The following ASTN2 variants were observed in gnomAD, a reference collection of about 807,000 sequenced individuals.
ASTN2 encodes astrotactin 2.
ASTN2 carries 54 observed loss-of-function variants against 139.8 expected under a neutral mutation model. That is an observed-to-expected ratio of 0.39 (90% CI 0.31 to 0.48). ASTN2 has a LOEUF of 0.48. Among genes scored for constraint, ASTN2 ranks in the 20% least tolerant of loss-of-function variants. ASTN2 has a pLI of 0.95. For missense variants in ASTN2, 1,565 were observed against 1,725.1 expected, an observed-to-expected ratio of 0.91 and a Z score of 1.64; for synonymous variants, 756 against 719.5, an observed-to-expected ratio of 1.05 and a Z score of -0.81.
At chr9:117,400,478 AAG>A (rs1261085118) in intron 1 of ASTN2, among the ~76,000 whole-genome samples, 3 of 152,156 alleles carry the variant, frequency 2.0e-5, no homozygotes, top group Admixed American at 6.5e-5. Flanking sequence ...AGAGAGAGAA[AAG>A]AGGGGAGGGA....
intron 19 of ASTN2, among the ~76,000 whole-genome samples, chr9:116,595,853 A>G (rs1028770529): frequency 5.3e-5 from 8 of 152,220 alleles, no homozygotes; most frequent in African/African-American, 1.9e-4. Context: ...CGAAGCCACT[A>G]TGAAAAACAG....
At chr9:117,324,189 A>G (rs1360992002) in intron 1 of ASTN2, among the ~76,000 whole-genome samples, 1 of 152,178 alleles carries the variant, frequency 6.6e-6, no homozygotes. Context: ...CTATAGGATG[A>G]GTAGAATTTT....
chr9:117,393,429 C>T lies in ASTN2; in HGVS notation c.442+21068G>A, dbSNP rs561064398. ...AGAGACATTAAAAGTAAATAGAAAG[C>T]GAGAGAAAAAAACACTAAAGACAGA... On this transcript the variant is annotated intron_variant, in intron 1 of 22. Transcript: ENST00000313400. Among the ~76,000 whole-genome samples the T allele has an allele frequency of 1.7e-4, 25 of 150,492 alleles. No individual in the cohort carries two copies. The South Asian group carries it at 5.1e-3, about 31-fold the overall frequency.
At chr9:117,297,352 G>C (rs775135906) in intron 1 of ASTN2, among the ~76,000 whole-genome samples, 7 of 152,228 alleles carry the variant, frequency 4.6e-5, no homozygotes, top group Admixed American at 1.3e-4. Context: ...AGCTATTCCA[G>C]CATTCATGGG....
chr9:116,526,347 C>G (rs1275209930), intron 19 of ASTN2, among the ~76,000 whole-genome samples: 1 of 152,134 alleles, frequency 6.6e-6, no homozygotes, highest in Non-Finnish European at 1.5e-5. Flanking sequence ...CACGGTGGCT[C>G]ATGCCTGTAA....
At chr9:116,775,634 AAGGAAAAAGGAC>A (rs1830066206) in intron 13 of ASTN2, among the ~76,000 whole-genome samples, 1 of 122,338 alleles carries the variant, frequency 8.2e-6, no homozygotes, top group Non-Finnish European at 1.7e-5. Flanking sequence ...GGAAGGAAGG[AAGGAAAAAGGAC>A]AGGAAGGGAA....
chr9:116,966,705 T>TAAA (rs199969584), intron 10 of ASTN2, among the ~76,000 whole-genome samples: 195 of 142,616 alleles, frequency 1.4e-3, no homozygotes, highest in African/African-American at 4.0e-3. Context: ...TCATTTTCTT[T>TAAA]AAAAAAAAAA....
At chr9:117,079,734 G>A (rs1185808781) in intron 5 of ASTN2, among the ~76,000 whole-genome samples, 2 of 45,450 alleles carry the variant, frequency 4.4e-5, no homozygotes, top group African/African-American at 2.1e-4. Context: ...AATAATAAAA[G>A]GGATGAACAC....
chr9:116,914,693 C>T (rs1206268134), intron 10 of ASTN2, among the ~76,000 whole-genome samples: 1 of 151,746 alleles, frequency 6.6e-6, no homozygotes, highest in Non-Finnish European at 1.5e-5. Flanking sequence ...TTTATGCCAC[C>T]CAACCCTGGG....
At chr9:116,762,362 A>C (rs2132169992) in intron 13 of ASTN2, among the ~76,000 whole-genome samples, 1 of 152,256 alleles carries the variant, frequency 6.6e-6, no homozygotes, top group South Asian at 2.1e-4. Flanking sequence ...CTCTTTGTCT[A>C]TCTTGCAGGG....
chr9:116,698,619 C>T lies in ASTN2; in HGVS notation c.2806+27152G>A. The T allele has an allele frequency of 6.2e-7, 1 of 1,614,140 alleles. No individual in the cohort carries two copies. Among genetic ancestry groups the T allele is most frequent in the Non-Finnish European group, 8.5e-7 (1 of 1,180,026 alleles). On this transcript the variant is annotated intron_variant, in intron 16 of 22. Coordinates refer to ENST00000313400, the MANE Select transcript of ASTN2 (RefSeq NM_001365068.1). The surrounding 1 kb of genome is among the most constrained non-coding windows in gnomAD (Gnocchi z 4.4). ...TCATGTTGGCCCCCTCCAAATTGGACAAGCTGTTAAGAAGCCCCGGACAGT... is the reference window on the plus strand; with the variant it reads ...TCATGTTGGCCCCCTCCAAATTGGATAAGCTGTTAAGAAGCCCCGGACAGT...
intron 7 of ASTN2, among the ~76,000 whole-genome samples, chr9:117,003,085 C>A (rs371039344): frequency 9.2e-5 from 14 of 152,330 alleles, no homozygotes; most frequent in African/African-American, 3.1e-4. Flanking sequence ...CTTCAGGAAA[C>A]TGCACATGGG....
At chr9:116,827,855 A>G (rs1203393230) in intron 11 of ASTN2, among the ~76,000 whole-genome samples, 1 of 152,236 alleles carries the variant, frequency 6.6e-6, no homozygotes, top group Non-Finnish European at 1.5e-5. Context: ...TCCCAAAAAA[A>G]TGAGGAAGAG....
At chr9:116,604,357 G>A (rs1855075847) in intron 19 of ASTN2, among the ~76,000 whole-genome samples, 1 of 152,140 alleles carries the variant, frequency 6.6e-6, no homozygotes, top group Non-Finnish European at 1.5e-5. Flanking sequence ...AAAGCAGCTG[G>A]AGTGACAGAA....
chr9:117,181,206 C>A (rs1588048289), intron 3 of ASTN2: 2 of 625,792 alleles, frequency 3.2e-6, no homozygotes, highest in East Asian at 5.3e-5. Context: ...TGCAGATGAT[C>A]TGGAGTATTT....
intron 5 of ASTN2, among the ~76,000 whole-genome samples, chr9:117,074,527 T>A (rs1828225522): frequency 6.6e-6 from 1 of 151,996 alleles, no homozygotes; most frequent in African/African-American, 2.4e-5. Context: ...GGTGTGTTTG[T>A]GGAAGTGTGA....
At chr9:116,713,912 G>A (rs1192473431) in intron 16 of ASTN2, among the ~76,000 whole-genome samples, 1 of 152,120 alleles carries the variant, frequency 6.6e-6, no homozygotes, top group Non-Finnish European at 1.5e-5. Context: ...GCCCTAGGAT[G>A]GAATCCTGGC....
intron 13 of ASTN2, among the ~76,000 whole-genome samples, chr9:116,746,165 C>A (rs1168838176): frequency 2.0e-5 from 3 of 150,586 alleles, no homozygotes; most frequent in Non-Finnish European, 2.9e-5. Flanking sequence ...CAGCTCACTG[C>A]AACTTCCGAC....
Position 116,725,894 on chromosome 9 carries a change from A to G in ASTN2, c.2683T>C (p.Ser895Pro). The G allele has an allele frequency of 6.2e-7, 1 of 1,614,030 alleles. No individual in the cohort carries two copies. Among genetic ancestry groups the G allele is most frequent in the Non-Finnish European group, 8.5e-7 (1 of 1,180,010 alleles). ...TGGGAGCCATAGTGCTGGATGAAGGACAGCAGCTCCTCCCGACTGCTCTCC... is the reference window on the plus strand; with the variant it reads ...TGGGAGCCATAGTGCTGGATGAAGGGCAGCAGCTCCTCCCGACTGCTCTCC... ...TKESSREELL[S>P]FIQHYGSHYI... Residue 895 changes from serine (S) to proline (P), a missense_variant, in exon 16 of 23, where the codon TCC becomes CCC. Ser to Pro is a moderately conservative substitution (Grantham distance 74, BLOSUM62 -1). This residue lies in a region of ASTN2 where 503 missense variants were observed against 591.7 expected (regional missense o/e 0.85). Transcript: ENST00000313400.
Sources: allele counts gnomAD v4.1 joint callset (sites outside exome capture counted in the v4.1 genomes callset), GRCh38; gene constraint gnomAD v4.1.1; regional missense constraint gnomAD v4.1.1; non-coding constraint Gnocchi (gnomAD v3.1); transcripts MANE v1.5; gene names NCBI Gene and HGNC (gene_info 2026-07-23, HGNC 2026-07-21).